The following TOX variants were observed in gnomAD, a reference collection of about 807,000 sequenced individuals.
TOX encodes the protein thymocyte selection associated high mobility group box.
A neutral mutation model predicts 53.7 loss-of-function variants in TOX; 11 were observed. The ratio of observed to expected loss-of-function variants is 0.20; its 90% CI spans 0.13 to 0.34. The LOEUF (loss-of-function observed/expected upper bound fraction) is 0.34. Among genes scored for constraint, TOX ranks in the 10% least tolerant of loss-of-function variants. TOX has a pLI of 1.00. For missense variants in TOX, 570 were observed against 664.6 expected, an observed-to-expected ratio of 0.86 and a Z score of 1.56; for synonymous variants, 225 against 245.3, an observed-to-expected ratio of 0.92 and a Z score of 0.77.
chr8:59,096,418 T>C (rs569268131), intron 1 of TOX, among the ~76,000 whole-genome samples: 6 of 152,300 alleles, frequency 3.9e-5, no homozygotes, highest in South Asian at 2.1e-4. Context: ...TACCTCCAAA[T>C]TGGAAATGAA....
chr8:58,902,543 T>G (rs1004946645), intron 3 of TOX, among the ~76,000 whole-genome samples: 1 of 152,184 alleles, frequency 6.6e-6, no homozygotes, highest in African/African-American at 2.4e-5. Flanking sequence ...CATCTCAAAA[T>G]CTAGAACTTA....
intron 1 of TOX, among the ~76,000 whole-genome samples, chr8:59,021,259 AG>A (rs1327850213): frequency 6.6e-6 from 1 of 150,890 alleles, no homozygotes; most frequent in Non-Finnish European, 1.5e-5. Context: ...ATGAAGTCAA[AG>A]TGCTAACCAA....
intron 3 of TOX, among the ~76,000 whole-genome samples, chr8:58,938,809 C>A (rs1354423311): frequency 6.6e-6 from 1 of 152,146 alleles, no homozygotes; most frequent in Admixed American, 6.5e-5. Context: ...ATTTTGATCA[C>A]CAGAATTATA....
chr8:59,049,499 A>C (rs1272402051), intron 1 of TOX, among the ~76,000 whole-genome samples: 1 of 152,146 alleles, frequency 6.6e-6, no homozygotes, highest in Non-Finnish European at 1.5e-5. Context: ...TCATATCTAC[A>C]ATACATCAAA....
intron 2 of TOX, among the ~76,000 whole-genome samples, chr8:58,951,547 C>A (rs954217961): frequency 3.3e-5 from 4 of 120,078 alleles, no homozygotes; most frequent in Non-Finnish European, 7.5e-5. Context: ...TTTCTGTTGA[C>A]CCGGTCTCAC....
At chr8:59,072,346 T>C (rs1221917333) in intron 1 of TOX, among the ~76,000 whole-genome samples, 5 of 152,212 alleles carry the variant, frequency 3.3e-5, no homozygotes, top group African/African-American at 9.6e-5. Context: ...TATTGCCTGG[T>C]AGGTAGAAAC....
intron 1 of TOX, among the ~76,000 whole-genome samples, chr8:58,978,890 A>AT (rs916794163): frequency 6.6e-6 from 1 of 152,192 alleles, no homozygotes; most frequent in African/African-American, 2.4e-5. Context: ...TTTTTAAAGT[A>AT]TTTTTTGTGG....
At chr8:59,105,899 T>C (rs1804891325) in intron 1 of TOX, among the ~76,000 whole-genome samples, 1 of 152,186 alleles carries the variant, frequency 6.6e-6, no homozygotes, top group African/African-American at 2.4e-5. Context: ...GTCTGGGGTA[T>C]TGTAGCCAAA....
chr8:58,937,960 T>TA (rs897244901), intron 3 of TOX, among the ~76,000 whole-genome samples: 6 of 151,998 alleles, frequency 3.9e-5, no homozygotes, highest in Admixed American at 1.3e-4. Flanking sequence ...TTTAGCACGT[T>TA]AAAAAAAATC....
At chr8:59,081,667 A>G (rs117684586) in intron 1 of TOX, among the ~76,000 whole-genome samples, 1 of 152,320 alleles carries the variant, frequency 6.6e-6, no homozygotes, top group Non-Finnish European at 1.5e-5. Context: ...GGTATTGATC[A>G]TGTTACTTGG....
chr8:59,040,371 T>A (rs919400892), intron 1 of TOX, among the ~76,000 whole-genome samples: 12 of 145,700 alleles, frequency 8.2e-5, no homozygotes, highest in African/African-American at 2.2e-4. Context: ...TTTCCTTCCA[T>A]CTCAGAAAAT....
At position 58,856,233 on chromosome 8, in the gene TOX, T is replaced by C. The variant is rs374637975; in HGVS notation, c.412-4428A>G. On this transcript the variant is annotated intron_variant, in intron 3 of 8. Coordinates refer to ENST00000361421, the MANE Select transcript of TOX (RefSeq NM_014729.3). The stretch of plus-strand genomic sequence containing the variant: ...CTATAAGGCTCCAAGAACCTTCTTA[T>C]TCTGAATTGCCAAAGCATTTTGTTT... Among the ~76,000 whole-genome samples, 582 of 152,338 alleles carry C rather than the reference T, an allele frequency of 3.8e-3. 3 individuals are homozygous for C. Among genetic ancestry groups the C allele is most frequent in the African/African-American group, 0.013 (556 of 41,578 alleles).
chr8:59,030,416 G>C (rs1814333112), intron 1 of TOX, among the ~76,000 whole-genome samples: 1 of 152,142 alleles, frequency 6.6e-6, no homozygotes, highest in Non-Finnish European at 1.5e-5. Flanking sequence ...CATTGCTAAT[G>C]AATCTAATAT....
rs149231764 is a variant in TOX, at chr8:59,099,919, A to C, written c.102+18967T>G. The stretch of plus-strand genomic sequence containing the variant: ...ACTGGCTATTTTAAAAGAATATTTC[A>C]CTTTGTAATGTAAAAGAAAGGTTCC... On this transcript the variant is annotated intron_variant, in intron 1 of 8. Transcript: ENST00000361421. Among the ~76,000 whole-genome samples the C allele has an allele frequency of 2.6e-5, 4 of 152,318 alleles. No homozygotes were observed. The East Asian group carries it at 7.7e-4, about 29-fold the overall frequency.
At chr8:58,833,000 C>T (rs932289769) in intron 5 of TOX, among the ~76,000 whole-genome samples, 12 of 152,118 alleles carry the variant, frequency 7.9e-5, no homozygotes, top group Non-Finnish European at 1.5e-5. Flanking sequence ...CTAGGTAAAT[C>T]CACTCTCCTC....
chr8:58,885,525 G>T (rs1451314164), intron 3 of TOX, among the ~76,000 whole-genome samples: 2 of 152,158 alleles, frequency 1.3e-5, no homozygotes, highest in East Asian at 3.9e-4. Flanking sequence ...ATAATTTACT[G>T]GGTATCTAAA....
rs1274322374 is a variant in TOX, at chr8:58,956,859, G to A, written c.168+3084C>T. Among the ~76,000 whole-genome samples, 6 of 152,170 alleles carry A rather than the reference G, an allele frequency of 3.9e-5. No homozygotes were observed. The East Asian group carries it at 5.8e-4, about 15-fold the overall frequency. The stretch of plus-strand genomic sequence containing the variant: ...TCAAACCTGACCTCAAGTGATTCTC[G>A]GCCTCAGCCTCCCAAAGTGCTGGGA... On this transcript the variant is annotated intron_variant, in intron 2 of 8. Transcript: ENST00000361421.
intron 1 of TOX, among the ~76,000 whole-genome samples, chr8:59,057,765 T>C (rs1803910407): frequency 6.6e-6 from 1 of 152,204 alleles, no homozygotes; most frequent in Non-Finnish European, 1.5e-5. Context: ...CTACAAGCAA[T>C]ATGTATTCCT....
intron 1 of TOX, among the ~76,000 whole-genome samples, chr8:59,069,766 G>A (rs1032312994): frequency 6.6e-6 from 1 of 152,156 alleles, no homozygotes; most frequent in African/African-American, 2.4e-5. Context: ...CAGCCAGAAA[G>A]GTATAAGAAA....
Sources: allele counts gnomAD v4.1 joint callset (sites outside exome capture counted in the v4.1 genomes callset), GRCh38; gene constraint gnomAD v4.1.1; transcripts MANE v1.5; gene names NCBI Gene and HGNC (gene_info 2026-07-23, HGNC 2026-07-21).